The following WDR86 variants were observed in gnomAD, a reference collection of about 807,000 sequenced individuals.
WDR86 encodes WD repeat domain 86, also known as WD repeat-containing protein 86.
In WDR86, 30 loss-of-function variants were observed where a neutral mutation model predicts 36.5. The ratio of observed to expected loss-of-function variants is 0.82; its 90% CI spans 0.61 to 1.11. The LOEUF is 1.11. WDR86 is among the 50% of genes most tolerant of loss of function. The pLI, the probability that WDR86 is intolerant of heterozygous loss-of-function variation, is 0.00. For missense variants in WDR86, 545 were observed against 561.2 expected (o/e 0.97, Z 0.29); for synonymous variants, 255 against 252.9 (o/e 1.01, Z -0.08).
At chr7:151,387,351 G>A (rs1799062412) in intron 3 of WDR86, among the ~76,000 whole-genome samples, 1 of 152,178 alleles carries the variant, frequency 6.6e-6, no homozygotes, top group Admixed American at 6.5e-5. Flanking sequence ...GGGCCTGTGA[G>A]CACTGTGCTT....
chr7:151,408,107 C>T (rs1584801418), intron 1 of WDR86, among the ~76,000 whole-genome samples: 1 of 152,062 alleles, frequency 6.6e-6, no homozygotes, highest in South Asian at 2.1e-4. Context: ...CCATTATCCA[C>T]ACCAACTCCC....
Position 151,410,036 on chromosome 7 carries a change from G to A in WDR86, c.-447C>T, listed in dbSNP as rs567010381. On this transcript the variant is annotated 5_prime_UTR_variant, in exon 1 of 6. Coordinates refer to ENST00000334493, the MANE Select transcript of WDR86 (RefSeq NM_198285.3). ...TCCCCGGCCGAGCGCGGAACAATACGGTCCAGCCTGGCTCCTCCTCAGAGA... is the reference window on the plus strand; with the variant it reads ...TCCCCGGCCGAGCGCGGAACAATACAGTCCAGCCTGGCTCCTCCTCAGAGA... 2.8e-5 allele frequency: 28 copies of A among 989,080 alleles called. No individual in the cohort carries two copies. Among genetic ancestry groups the A allele is most frequent in the Middle Eastern group, 5.2e-4 (1 of 1,926 alleles). 61.3% of individuals were successfully genotyped at this position (989,080 alleles called of 1,614,324 possible).
At position 151,390,462 on chromosome 7, in the gene WDR86, C is replaced by T. The variant is rs983782179; in HGVS notation, c.727-5239G>A. Among the ~76,000 whole-genome samples, 4 of 152,154 alleles carry T rather than the reference C, an allele frequency of 2.6e-5. No homozygotes were observed. The highest frequency in any genetic ancestry group is 5.9e-5 in the Non-Finnish European group (4 of 68,024). On this transcript the variant is annotated intron_variant, in intron 3 of 5. Coordinates refer to ENST00000334493, the MANE Select transcript of WDR86 (RefSeq NM_198285.3). This position sits in a 1 kb window ranked among gnomAD's most constrained non-coding sequence, Gnocchi z 4.5. ...GGATGGTACGGCGCCCACCTCCCAT[C>T]CCTTTCCCTCTACACTCGCCTTAAG...
At chr7:151,408,635 C>A (rs1017468600) in intron 1 of WDR86, 16 of 291,156 alleles carry the variant, frequency 5.5e-5, no homozygotes, top group South Asian at 5.4e-4. Flanking sequence ...TAAAGAACTA[C>A]CCACAGCAGA....
intron 3 of WDR86, among the ~76,000 whole-genome samples, chr7:151,386,025 C>T (rs1798955683): frequency 6.6e-6 from 1 of 152,148 alleles, no homozygotes; most frequent in South Asian, 2.1e-4. Flanking sequence ...AGTGACCTGG[C>T]GCGATGGCAC....
rs1314949018 is a variant in WDR86, at chr7:151,381,198, T to G, written c.*384A>C. On this transcript the variant is annotated 3_prime_UTR_variant, in exon 6 of 6. Transcript: ENST00000334493. The surrounding 1 kb of genome is among the most constrained non-coding windows in gnomAD (Gnocchi z 4.8). The stretch of plus-strand genomic sequence containing the variant: ...GGACGATTTGCCAAAATAACCAGGT[T>G]CAGTGGCTTCTGTAAAAAGTCACTT... 1 of 1,263,768 alleles carries G rather than the reference T, an allele frequency of 7.9e-7. No individual in the cohort carries two copies. Among genetic ancestry groups the G allele is most frequent in the East Asian group, 3.1e-5 (1 of 31,774 alleles). 78.3% of individuals were successfully genotyped at this position (1,263,768 alleles called of 1,614,324 possible). A position where few individuals can be genotyped will look rare whatever the true frequency, so the allele number is the denominator to read the frequency against.
chr7:151,409,829 T>C lies in WDR86; in HGVS notation c.-240A>G. On this transcript the variant is annotated 5_prime_UTR_variant, in exon 1 of 6. Transcript: ENST00000334493. The surrounding 1 kb of genome is among the most constrained non-coding windows in gnomAD (Gnocchi z 5.2). ...GGCGGCCCACTCGGGACCTCCGCCC[T>C]GGGTAGAGTCCTGGGCGCGCGGGCA... The C allele has an allele frequency of 1.6e-6, 2 of 1,247,930 alleles. No homozygotes were observed. Among genetic ancestry groups the C allele is most frequent in the Non-Finnish European group, 2.0e-6 (2 of 998,470 alleles). 77.3% of individuals were successfully genotyped at this position (1,247,930 alleles called of 1,614,324 possible).
In WDR86 at chr7:151,390,766, T is replaced by C. The variant is rs547822850; in HGVS notation, c.726+5010A>G. ...CAACACAGACGAACCCTGAAGATCT[T>C]ATGCTCATGAAATAAGCCAGACAGG... On this transcript the variant is annotated intron_variant, in intron 3 of 5. Coordinates refer to ENST00000334493, the MANE Select transcript of WDR86 (RefSeq NM_198285.3). The surrounding 1 kb of genome is among the most constrained non-coding windows in gnomAD (Gnocchi z 4.5). Among the ~76,000 whole-genome samples, 2 of 152,334 alleles carry C rather than the reference T, an allele frequency of 1.3e-5. No individual in the cohort carries two copies. Among genetic ancestry groups the C allele is most frequent in the South Asian group, 4.1e-4 (2 of 4,830 alleles).
At chr7:151,391,015 G>A (rs1474411765) in intron 3 of WDR86, among the ~76,000 whole-genome samples, 2 of 152,252 alleles carry the variant, frequency 1.3e-5, no homozygotes, top group Non-Finnish European at 2.9e-5. Flanking sequence ...TGCTGAAAAT[G>A]GTTTAAAGGG....
At chr7:151,402,376 C>T (rs1800407505) in intron 1 of WDR86, among the ~76,000 whole-genome samples, 1 of 152,160 alleles carries the variant, frequency 6.6e-6, no homozygotes, top group African/African-American at 2.4e-5. Context: ...TCCTTTGTCA[C>T]AGCAGCCCCA....
chr7:151,394,507 C>T (rs1034058061), intron 3 of WDR86, among the ~76,000 whole-genome samples: 11 of 152,340 alleles, frequency 7.2e-5, no homozygotes, highest in Non-Finnish European at 1.5e-4. Flanking sequence ...AACCGCTTGC[C>T]GCAGGGGTCG....
chr7:151,374,189 C>T (rs567952492), downstream of WDR86: 16 of 1,573,178 alleles, frequency 1.0e-5, no homozygotes, highest in East Asian at 4.7e-5. Context: ...ACTCCACGCA[C>T]GCGGCCCAGC....
downstream of WDR86, chr7:151,380,984 C>T (rs887220186): frequency 2.2e-5 from 6 of 278,624 alleles, no homozygotes; most frequent in Non-Finnish European, 3.0e-5. Context: ...GCAGCGCACC[C>T]ACAAGTCACC....
Position 151,400,232 on chromosome 7 carries a change from C to T in WDR86, c.173G>A (p.Ser58Asn), listed in dbSNP as rs770861567. 5.0e-6 allele frequency: 8 copies of T among 1,606,908 alleles called. No individual in the cohort carries two copies. Among genetic ancestry groups the T allele is most frequent in the Non-Finnish European group, 6.8e-6 (8 of 1,176,374 alleles). Residue 58 changes from serine to asparagine, a missense_variant, in exon 2 of 6, where the codon AGC (serine) becomes AAC (asparagine). By Grantham distance (46) the Ser-to-Asn change is conservative. Transcript: ENST00000334493. The stretch of plus-strand genomic sequence containing the variant: ...CTCCAGCTGGCAGAAGGTCACATAG[C>T]TTTCATGTCCTGCAGATGAGGGACA... ...QCCALLQGHE[S>N]YVTFCQLEDE...
rs1021726667 is a variant in WDR86, at chr7:151,382,055, C to T, written c.863-74G>A. ...GCAAGCAGGGATGGGGCGGCGAGAG[C>T]GTGACCTGGGGCGTCTCCGAGACTC... is the stretch of plus-strand genomic sequence containing the variant. On this transcript the variant is annotated intron_variant, in intron 4 of 5. Transcript: ENST00000334493. The T allele has an allele frequency of 8.6e-6, 12 of 1,398,102 alleles. 1 individual carries two copies. The African/African-American group carries it at 1.4e-4, about 17-fold the overall frequency. The allele number at this position is 1,398,102 out of a possible 1,614,324, so 86.6% of individuals were successfully genotyped here. A position where few individuals can be genotyped will look rare whatever the true frequency, so the allele number is the denominator to read the frequency against.
At chr7:151,397,662 TAGCGGGAGGAAGAGCATAGCGGGAGGA>T in intron 2 of WDR86, among the ~76,000 whole-genome samples, 1 of 35,988 alleles carries the variant, frequency 2.8e-5, no homozygotes, top group Non-Finnish European at 7.4e-5. Context: ...AGGAAGGGCA[TAGCGGGAGGAAGAGCATAGCGGGAGGA>T]AGAGGGTGTA....
intron 3 of WDR86, among the ~76,000 whole-genome samples, chr7:151,392,681 C>T (rs1799522759): frequency 6.6e-6 from 1 of 152,174 alleles, no homozygotes; most frequent in African/African-American, 2.4e-5. Flanking sequence ...CCACCGGCCG[C>T]CCAGGGACCT....
chr7:151,387,672 C>T (rs994865667), intron 3 of WDR86, among the ~76,000 whole-genome samples: 23 of 152,098 alleles, frequency 1.5e-4, no homozygotes, highest in African/African-American at 4.3e-4. Context: ...TCCACCTCCC[C>T]GGGCTCCAAG....
At position 151,381,693 on chromosome 7, in the gene WDR86, C is replaced by T. The variant is rs1005282712; in HGVS notation, c.1020G>A (p.Trp340Ter). 1.4e-5 allele frequency: 21 copies of T among 1,484,538 alleles called. No homozygotes were observed. The highest frequency in any genetic ancestry group is 1.7e-5 in the Non-Finnish European group (19 of 1,125,180). The allele number at this position is 1,484,538 out of a possible 1,614,324, so 92.0% of individuals were successfully genotyped here. Residue 340 changes from tryptophan to a stop codon, truncating the protein, a stop_gained, in exon 6 of 6, where the codon TGG becomes TGA. Transcript: ENST00000334493. LOFTEE classifies it high-confidence loss of function. The surrounding 1 kb of genome is among the most constrained non-coding windows in gnomAD (Gnocchi z 4.8). ...TASHDGALRL[W>*]DVRGLRGAPR... is the part of the protein sequence containing the mutation. Reference sequence around the variant, plus strand: ...GGGCACCTCGGAGCCCGCGCACGTCCCAGAGGCGCAGGGCGCCGTCGTGCG... The same window carrying T: ...GGGCACCTCGGAGCCCGCGCACGTCTCAGAGGCGCAGGGCGCCGTCGTGCG...
Sources: allele counts gnomAD v4.1 joint callset (sites outside exome capture counted in the v4.1 genomes callset), GRCh38; gene constraint gnomAD v4.1.1; non-coding constraint Gnocchi (gnomAD v3.1); transcripts MANE v1.5; gene names NCBI Gene and HGNC (gene_info 2026-07-23, HGNC 2026-07-21).